ADCY5: variants seen among roughly 807,000 people sequenced by gnomAD.
ADCY5 encodes the protein adenylate cyclase 5.
ADCY5 carries 30 observed loss-of-function variants against 119.7 expected under a neutral mutation model. The ratio of observed to expected loss-of-function variants is 0.25; its 90% CI spans 0.19 to 0.34. ADCY5 has a LOEUF of 0.34. ADCY5 is among the 10% of genes least tolerant of loss of function. ADCY5 has a pLI of 1.00. For missense variants in ADCY5, 1,324 were observed against 1,775.2 expected (o/e 0.75, Z 4.57); for synonymous variants, 753 against 762.2 (o/e 0.99, Z 0.20).
intron 1 of ADCY5, among the ~76,000 whole-genome samples, chr3:123,387,651 A>G (rs2107576998): frequency 6.6e-6 from 1 of 152,372 alleles, no homozygotes; most frequent in South Asian, 2.1e-4. Context: ...ATCAAGGGAA[A>G]TAGTAACCCC....
intron 1 of ADCY5, among the ~76,000 whole-genome samples, chr3:123,418,154 A>C (rs1197368213): frequency 2.0e-5 from 3 of 152,212 alleles, no homozygotes; most frequent in Non-Finnish European, 4.4e-5. Flanking sequence ...TCACTAACAG[A>C]TCCCACCTTA....
chr3:123,419,075 C>T (rs1945245804), intron 1 of ADCY5: 1 of 896,202 alleles, frequency 1.1e-6, no homozygotes, highest in African/African-American at 1.8e-5. Context: ...GCCAATCCCC[C>T]ACAGTAAATC....
intron 1 of ADCY5, among the ~76,000 whole-genome samples, chr3:123,356,436 C>T (rs2108509963): frequency 6.6e-6 from 1 of 152,160 alleles, no homozygotes; most frequent in South Asian, 2.1e-4. Context: ...AAGGCAATTA[C>T]ATGAAAGGAG....
chr3:123,341,911 G>C (rs55931951), intron 3 of ADCY5, among the ~76,000 whole-genome samples: 28,128 of 151,980 alleles, frequency 0.19, 3,038 homozygotes, highest in Middle Eastern at 0.25. Flanking sequence ...ACTGGTACGG[G>C]AGTAGAGTTC....
In ADCY5 at chr3:123,286,546, G is replaced by A. The variant is rs1461196163; in HGVS notation, c.3657+139C>T. The A allele has an allele frequency of 4.1e-6, 5 of 1,208,874 alleles. No individual in the cohort carries two copies. Among genetic ancestry groups the A allele is most frequent in the South Asian group, 1.6e-5 (1 of 64,470 alleles). 74.9% of individuals were successfully genotyped at this position (1,208,874 alleles called of 1,614,324 possible). ...TGTTCTCCAAGCTTCCAAGACATCA[G>A]CGTCAACAGCCCCATCACCCTTGAA... On this transcript the variant is annotated intron_variant, in intron 20 of 20. Coordinates refer to ENST00000462833, the MANE Select transcript of ADCY5 (RefSeq NM_183357.3). The surrounding 1 kb of genome is among the most constrained non-coding windows in gnomAD (Gnocchi z 4.2).
At chr3:123,321,736 G>A (rs1365932095) in intron 8 of ADCY5, among the ~76,000 whole-genome samples, 1 of 152,212 alleles carries the variant, frequency 6.6e-6, no homozygotes, top group African/African-American at 2.4e-5. Flanking sequence ...TCCCAATGAG[G>A]ACACGGTTTG....
At chr3:123,391,687 C>T (rs1944404964) in intron 1 of ADCY5, among the ~76,000 whole-genome samples, 1 of 152,220 alleles carries the variant, frequency 6.6e-6, no homozygotes, top group South Asian at 2.1e-4. Context: ...TTTCCAGGGC[C>T]TGGGGTTCCT....
chr3:123,439,076 C>CTTTTTTTTTGTTTTTT (rs1945675984), intron 1 of ADCY5, among the ~76,000 whole-genome samples: 1 of 64,728 alleles, frequency 1.5e-5, no homozygotes, highest in Non-Finnish European at 2.6e-5. Flanking sequence ...CCCTAAAGTG[C>CTTTTTTTTTGTTTTTT]TTTTTTTTTT....
intron 1 of ADCY5, among the ~76,000 whole-genome samples, chr3:123,364,028 G>T (rs187018579): frequency 1.3e-5 from 2 of 152,274 alleles, no homozygotes; most frequent in East Asian, 3.9e-4. Context: ...AATGTCAAGT[G>T]GGGGAGAAAA....
intron 1 of ADCY5, among the ~76,000 whole-genome samples, chr3:123,396,045 GGAGA>G (rs1559859620): frequency 1.4e-5 from 1 of 70,948 alleles, no homozygotes; most frequent in Non-Finnish European, 2.8e-5. Context: ...AGGGAGGGAG[GGAGA>G]GAGGGAGGGA....
intron 3 of ADCY5, among the ~76,000 whole-genome samples, chr3:123,341,677 A>AT (rs541595835): frequency 4.7e-5 from 7 of 149,124 alleles, no homozygotes; most frequent in South Asian, 2.1e-4. Context: ...TAATCCATTA[A>AT]TTTTTTTTTT....
intron 3 of ADCY5, among the ~76,000 whole-genome samples, chr3:123,333,741 G>A: frequency 6.6e-6 from 1 of 152,218 alleles, no homozygotes; most frequent in East Asian, 1.9e-4. Flanking sequence ...CCTGCTCCTG[G>A]GGAAGAGAAG....
chr3:123,341,006 T>C (rs577241454), intron 3 of ADCY5, among the ~76,000 whole-genome samples: 11 of 152,104 alleles, frequency 7.2e-5, no homozygotes, highest in South Asian at 4.2e-4. Flanking sequence ...GCACCTGTAA[T>C]CCCAGCTACT....
At chr3:123,290,943 C>G (rs1157918717) in intron 18 of ADCY5, among the ~76,000 whole-genome samples, 170 bp downstream of exon 18, 1 of 152,192 alleles carries the variant, frequency 6.6e-6, no homozygotes, top group Non-Finnish European at 1.5e-5. Flanking sequence ...GTGCAAGGTG[C>G]CCATTGCAGC....
At chr3:123,430,077 C>T (rs765129003) in intron 1 of ADCY5, among the ~76,000 whole-genome samples, 8 of 152,176 alleles carry the variant, frequency 5.3e-5, no homozygotes, top group Non-Finnish European at 8.8e-5. Flanking sequence ...CATCTGTCCA[C>T]GGCAAACACA....
intron 11 of ADCY5, among the ~76,000 whole-genome samples, chr3:123,317,113 G>C (rs1940951876): frequency 6.6e-6 from 1 of 152,052 alleles, no homozygotes; most frequent in Admixed American, 6.6e-5. Flanking sequence ...TCTCCCAAGC[G>C]AGACTCTAAT....
chr3:123,445,585 G>A (rs891039539), intron 1 of ADCY5, among the ~76,000 whole-genome samples: 5 of 152,208 alleles, frequency 3.3e-5, no homozygotes, highest in African/African-American at 4.8e-5. Context: ...CGGGTCAAAA[G>A]AGTTGGGGCT....
chr3:123,371,371 A>G (rs1340309984), intron 1 of ADCY5, among the ~76,000 whole-genome samples: 1 of 152,280 alleles, frequency 6.6e-6, no homozygotes, highest in Non-Finnish European at 1.5e-5. Context: ...ATGTCAGGAA[A>G]GCAATTATTC....
intron 1 of ADCY5, among the ~76,000 whole-genome samples, chr3:123,432,283 T>C (rs1174742391): frequency 6.6e-6 from 1 of 152,218 alleles, no homozygotes; most frequent in Non-Finnish European, 1.5e-5. Flanking sequence ...TGTCCTTCAA[T>C]ATGCCCAGGA....
Sources: gnomAD v4.1 joint callset for allele counts (sites outside exome capture counted in the v4.1 genomes callset) on GRCh38, gnomAD v4.1.1 for gene constraint, Gnocchi (gnomAD v3.1) non-coding constraint, MANE v1.5 for transcripts, NCBI Gene and HGNC (gene_info 2026-07-23, HGNC 2026-07-21) for gene names.